EPC2: variants seen among roughly 807,000 people sequenced by gnomAD.
The protein encoded by EPC2 is enhancer of polycomb homolog 2.
Under a neutral mutation model 92.1 loss-of-function variants are expected in EPC2, and 14 were observed. The observed-to-expected ratio is 0.15, with a 90% confidence interval of 0.10 to 0.24. EPC2 has a LOEUF of 0.24. Among genes scored for constraint, EPC2 ranks in the 10% least tolerant of loss-of-function variants. EPC2 has a pLI of 1.00. For missense variants in EPC2, 755 were observed against 971.5 expected, an observed-to-expected ratio of 0.78 and a Z score of 2.96; for synonymous variants, 340 against 334.7, an observed-to-expected ratio of 1.02 and a Z score of -0.17.
At chr2:148,739,833 C>CTTTTTTTTTTTTTTTTTTTT (rs144868417) in intron 2 of EPC2, among the ~76,000 whole-genome samples, 35 of 81,298 alleles carry the variant, frequency 4.3e-4, no homozygotes, top group African/African-American at 9.2e-4. Context: ...TCTTCTTCTT[C>CTTTTTTTTTTTTTTTTTTTT]TTTTTTTTTT....
At chr2:148,766,010 T>TGGGC (rs1683401676) in intron 7 of EPC2, among the ~76,000 whole-genome samples, 1 of 152,188 alleles carries the variant, frequency 6.6e-6, no homozygotes, top group South Asian at 2.1e-4. Flanking sequence ...CACTCCAGCC[T>TGGGC]GGGCGACAGA....
Position 148,770,917 on chromosome 2 carries a change from G to A in EPC2, c.1356G>A (p.Arg452=), listed in dbSNP as rs761782187. ...VPRRCIGFAR[R]RIGRGGRVIM... ...GAAGATGTATAGGATTTGCAAGGAG[G>A]CGAATTGGCAGAGGTGGAAGGTGAA... Residue 452 remains arginine (R), a synonymous_variant, in exon 9 of 14, where the codon AGG becomes AGA. Transcript: ENST00000258484. 3 of 1,612,636 alleles carry A rather than the reference G, an allele frequency of 1.9e-6. No homozygotes were observed. The East Asian group carries it at 6.7e-5, about 36-fold the overall frequency.
At chr2:148,752,548 G>T (rs1396530043) in intron 3 of EPC2, among the ~76,000 whole-genome samples, 1 of 152,126 alleles carries the variant, frequency 6.6e-6, no homozygotes, top group Non-Finnish European at 1.5e-5. Context: ...CCTCTCAAAT[G>T]TAGTTAAGCT....
At chr2:148,655,287 C>G (rs752686006) in intron 1 of EPC2, among the ~76,000 whole-genome samples, 8 of 152,146 alleles carry the variant, frequency 5.3e-5, no homozygotes, top group Admixed American at 2.6e-4. Flanking sequence ...GAATTATGAT[C>G]CAGGGCTTCT....
rs1258694079 is a variant in EPC2, at chr2:148,656,490, CTT to C, written c.153+11323_153+11324del. ...GTCAGAAGAGCAACAATAATATACTCTTTTGAAGAAAGCCATCCTATTCAGGT... is the reference window on the plus strand; with the variant it reads ...GTCAGAAGAGCAACAATAATATACTCTTGAAGAAAGCCATCCTATTCAGGT... On this transcript the variant is annotated intron_variant, in intron 1 of 13. Coordinates refer to ENST00000258484, the MANE Select transcript of EPC2 (RefSeq NM_015630.4). Among the ~76,000 whole-genome samples, 8 of 152,254 alleles carry C rather than the reference CTT, an allele frequency of 5.3e-5. No homozygotes were observed. The South Asian group carries it at 6.2e-4, about 12-fold the overall frequency.
chr2:148,722,187 A>T (rs1301110368), intron 2 of EPC2, among the ~76,000 whole-genome samples: 1 of 152,054 alleles, frequency 6.6e-6, no homozygotes, highest in Non-Finnish European at 1.5e-5. Flanking sequence ...TGATAGTTTC[A>T]TGATGAGGTC....
chr2:148,679,352 T>A (rs775501512), intron 1 of EPC2, among the ~76,000 whole-genome samples: 1 of 152,196 alleles, frequency 6.6e-6, no homozygotes, highest in Admixed American at 6.5e-5. Flanking sequence ...GCAAATCACC[T>A]GTTTCTTGAG....
intron 10 of EPC2, among the ~76,000 whole-genome samples, chr2:148,774,613 AAAAATATATTT>A (rs1201164246): frequency 4.4e-5 from 5 of 113,682 alleles, no homozygotes; most frequent in African/African-American, 1.4e-4. Flanking sequence ...ACTCAAAAAA[AAAAATATATTT>A]TATATATATA....
intron 11 of EPC2, among the ~76,000 whole-genome samples, chr2:148,782,214 C>G (rs1683763476): frequency 6.6e-6 from 1 of 152,146 alleles, no homozygotes. Flanking sequence ...AGCATAACCC[C>G]TTGCCATTGT....
At chr2:148,734,190 C>CT (rs918109596) in intron 2 of EPC2, among the ~76,000 whole-genome samples, 21 of 151,226 alleles carry the variant, frequency 1.4e-4, no homozygotes, top group Admixed American at 1.3e-4. Flanking sequence ...TTATCCCCGT[C>CT]TTTTTTTTTC....
chr2:148,762,257 G>T (rs1474406817), intron 5 of EPC2: 1 of 185,398 alleles, frequency 5.4e-6, no homozygotes, highest in African/African-American at 2.4e-5. Context: ...TAAATCTGAG[G>T]GAAATAAGTA....
chr2:148,644,834 G>A lies in EPC2; in HGVS notation c.-184G>A, dbSNP rs966559967. On this transcript the variant is annotated 5_prime_UTR_variant, in exon 1 of 14. Coordinates refer to ENST00000258484, the MANE Select transcript of EPC2 (RefSeq NM_015630.4). ...ATCTAGTGTGTGGAGGCGGCCGCGG[G>A]CGCGGGGGGCTGTTTTCGGGCGGGG... 2.6e-6 allele frequency: 1 copy of A among 388,550 alleles called. No individual in the cohort carries two copies. Among genetic ancestry groups the A allele is most frequent in the African/African-American group, 7.1e-5 (1 of 14,042 alleles). The allele number at this position is 388,550 out of a possible 1,614,324, so 24.1% of individuals were successfully genotyped here.
At chr2:148,764,116 T>C (rs1201108072) in intron 6 of EPC2, among the ~76,000 whole-genome samples, 1 of 152,238 alleles carries the variant, frequency 6.6e-6, no homozygotes, top group Non-Finnish European at 1.5e-5. Context: ...AAAAATTTTA[T>C]ATCTCACTAA....
At chr2:148,771,474 A>AT (rs1197918977) in intron 10 of EPC2, 87 bp downstream of exon 10, 40 of 1,283,222 alleles carry the variant, frequency 3.1e-5, no homozygotes, top group Admixed American at 1.2e-4. Flanking sequence ...AACCTACTTA[A>AT]TTTTTTTTCC....
intron 3 of EPC2, among the ~76,000 whole-genome samples, chr2:148,750,370 T>C (rs1683062987): frequency 6.6e-6 from 1 of 152,022 alleles, no homozygotes; most frequent in Non-Finnish European, 1.5e-5. Flanking sequence ...TCTTTTTTGA[T>C]GTAGGCATAT....
intron 1 of EPC2, among the ~76,000 whole-genome samples, chr2:148,672,199 T>G (rs1382413327): frequency 6.6e-6 from 1 of 152,226 alleles, no homozygotes; most frequent in East Asian, 1.9e-4. Flanking sequence ...CATTTGTCTT[T>G]ATGTATCTTT....
At chr2:148,673,202 GA>G (rs1681191951) in intron 1 of EPC2, among the ~76,000 whole-genome samples, 2 of 152,120 alleles carry the variant, frequency 1.3e-5, no homozygotes, top group South Asian at 4.1e-4. Context: ...GGAGTCCTTT[GA>G]GCTTCCTGAA....
At chr2:148,701,450 A>G (rs1444348075) in intron 2 of EPC2, among the ~76,000 whole-genome samples, 1 of 152,164 alleles carries the variant, frequency 6.6e-6, no homozygotes, top group African/African-American at 2.4e-5. Context: ...TAGTTTGCTG[A>G]GAGTTTTATC....
At chr2:148,721,780 C>A (rs1437037252) in intron 2 of EPC2, among the ~76,000 whole-genome samples, 1 of 145,874 alleles carries the variant, frequency 6.9e-6, no homozygotes, top group Non-Finnish European at 1.5e-5. Flanking sequence ...TATTACCAGG[C>A]TCCAAGATTG....
Sources: allele counts gnomAD v4.1 joint callset (sites outside exome capture counted in the v4.1 genomes callset), GRCh38; gene constraint gnomAD v4.1.1; transcripts MANE v1.5; gene names NCBI Gene and HGNC (gene_info 2026-07-23, HGNC 2026-07-21).